Variants in CAMTA1 observed in about 807,000 individuals in gnomAD.
The protein encoded by CAMTA1 is calmodulin binding transcription activator 1.
In CAMTA1, 27 loss-of-function variants were observed where a neutral mutation model predicts 170.9. That is an observed-to-expected ratio of 0.16 (90% CI 0.12 to 0.22). The LOEUF is 0.22. Ranked by LOEUF, CAMTA1 falls within the 10% of genes least tolerant of loss-of-function variation. The pLI, the probability that CAMTA1 is intolerant of heterozygous loss-of-function variation, is 1.00. For missense variants in CAMTA1, 1,619 were observed against 2,217.2 expected, an observed-to-expected ratio of 0.73 and a Z score of 5.42; for synonymous variants, 833 against 891.5, an observed-to-expected ratio of 0.93 and a Z score of 1.17.
rs146851905 is a variant in CAMTA1, at chr1:7,551,690, G to A, written c.510+83789G>A. ...AGGGCCTGATCAGGCCTGGGTCCCC[G>A]TGGCCCTCAGAGCCTGTCCCTGGTG... On this transcript the variant is annotated intron_variant, in intron 6 of 22. Coordinates refer to ENST00000303635, the MANE Select transcript of CAMTA1 (RefSeq NM_015215.4). 3.5e-3 allele frequency among the ~76,000 whole-genome samples: 539 copies of A among 152,316 alleles called. 3 individuals are homozygous for A. The highest frequency in any genetic ancestry group is 0.012 in the African/African-American group (511 of 41,572).
At position 7,290,162 on chromosome 1, in the gene CAMTA1, A is replaced by G. The variant is rs112088803; in HGVS notation, c.438+40536A>G. On this transcript the variant is annotated intron_variant, in intron 5 of 22. Transcript: ENST00000303635. ...TACAATTGCCATGAAAATGTGCAGC[A>G]TTTCCATCAGAATGATTATCAAGTC... Among the ~76,000 whole-genome samples, 1,128 of 152,356 alleles carry G rather than the reference A, an allele frequency of 7.4e-3. 10 individuals are homozygous for G. The highest frequency in any genetic ancestry group is 0.025 in the African/African-American group (1,039 of 41,592).
intron 22 of CAMTA1, among the ~76,000 whole-genome samples, chr1:7,764,111 G>A (rs1347048827): frequency 1.3e-5 from 2 of 152,136 alleles, no homozygotes; most frequent in African/African-American, 4.8e-5. Context: ...TTTTTAAAAA[G>A]CCATTTATTT....
chr1:6,972,975 C>G (rs1692794987), intron 3 of CAMTA1, among the ~76,000 whole-genome samples: 2 of 152,108 alleles, frequency 1.3e-5, no homozygotes, highest in Admixed American at 6.6e-5. Flanking sequence ...CCTCAGCCTC[C>G]CAAGTAGCTG....
intron 4 of CAMTA1, among the ~76,000 whole-genome samples, chr1:7,214,321 T>C (rs541231016): frequency 1.2e-3 from 179 of 152,360 alleles, no homozygotes; most frequent in African/African-American, 4.1e-3. Context: ...TGAGATGGTA[T>C]CTCATTGTGG....
intron 3 of CAMTA1, among the ~76,000 whole-genome samples, chr1:7,043,446 G>A (rs1256068608): frequency 6.6e-6 from 1 of 152,232 alleles, no homozygotes; most frequent in Non-Finnish European, 1.5e-5. Context: ...GCTATTTGGT[G>A]TTAAAAGGAG....
rs2095694628 is a variant in CAMTA1 at position 7,634,395 on chromosome 1, CAGG to C, written c.511-6001_511-5999del. Among the ~76,000 whole-genome samples the C allele has an allele frequency of 6.6e-6, 1 of 151,986 alleles. No homozygotes were observed. Among genetic ancestry groups the C allele is most frequent in the African/African-American group, 2.4e-5 (1 of 41,380 alleles). On this transcript the variant is annotated intron_variant, in intron 6 of 22. Transcript: ENST00000303635. The surrounding 1 kb of genome is among the most constrained non-coding windows in gnomAD (Gnocchi z 6.2). ...GCCTGGAGGGGCCAAGGGTGCTGAG[CAGG>C]AGGTCGGGAGGCGAGGTCGGCCATG...
At chr1:7,058,513 T>G (rs897666965) in intron 3 of CAMTA1, among the ~76,000 whole-genome samples, 1 of 152,164 alleles carries the variant, frequency 6.6e-6, no homozygotes, top group African/African-American at 2.4e-5. Flanking sequence ...ATGTAGTTTC[T>G]TGGTGCAGAG....
chr1:7,518,308 C>T (rs1484183616), intron 6 of CAMTA1, among the ~76,000 whole-genome samples: 1 of 151,964 alleles, frequency 6.6e-6, no homozygotes, highest in African/African-American at 2.4e-5. Context: ...GGCTGAGCTG[C>T]CCTATGGCTT....
At chr1:6,851,578 C>T (rs1660365260) in intron 3 of CAMTA1, among the ~76,000 whole-genome samples, 1 of 152,158 alleles carries the variant, frequency 6.6e-6, no homozygotes, top group African/African-American at 2.4e-5. Flanking sequence ...ATAAGGAGAA[C>T]ATTTTAATAG....
In CAMTA1 at chr1:7,333,326, C is replaced by T. The variant is rs55750952; in HGVS notation, c.438+83700C>T. 2.6e-5 allele frequency among the ~76,000 whole-genome samples: 4 copies of T among 152,222 alleles called. No homozygotes were observed. The highest frequency in any genetic ancestry group is 4.4e-5 in the Non-Finnish European group (3 of 68,010). ...AGTTGAACCTAGTTGTCATTCCTGC[C>T]GGTGAGGGAGAGACCCGCAGGGGAG... is the stretch of plus-strand genomic sequence containing the variant. On this transcript the variant is annotated intron_variant, in intron 5 of 22. Transcript: ENST00000303635. This position sits in a 1 kb window ranked among gnomAD's most constrained non-coding sequence, Gnocchi z 4.4.
chr1:6,918,234 C>T lies in CAMTA1; in HGVS notation c.234+93024C>T, dbSNP rs184290638. Among the ~76,000 whole-genome samples the T allele has an allele frequency of 3.3e-5, 5 of 152,218 alleles. No homozygotes were observed. Among genetic ancestry groups the T allele is most frequent in the Non-Finnish European group, 5.9e-5 (4 of 68,012 alleles). On this transcript the variant is annotated intron_variant, in intron 3 of 22. Transcript: ENST00000303635. The surrounding 1 kb of genome is among the most constrained non-coding windows in gnomAD (Gnocchi z 4.0). ...GAGGAGGAGAAACCTTTCACCCAGC[C>T]CTAAACCAGCTGCTTCTGGAGAGTA...
chr1:7,166,093 G>A (rs1406690551), intron 4 of CAMTA1, among the ~76,000 whole-genome samples: 1 of 151,634 alleles, frequency 6.6e-6, no homozygotes, highest in Non-Finnish European at 1.5e-5. Context: ...TTGAGATGGG[G>A]TCTCGCTCTG....
intron 5 of CAMTA1, among the ~76,000 whole-genome samples, chr1:7,311,244 C>G (rs956648920): frequency 6.6e-6 from 1 of 152,182 alleles, no homozygotes; most frequent in African/African-American, 2.4e-5. Flanking sequence ...TCCAATAACA[C>G]AGATATTAGG....
At chr1:7,315,710 G>A (rs1486179050) in intron 5 of CAMTA1, among the ~76,000 whole-genome samples, 1 of 152,170 alleles carries the variant, frequency 6.6e-6, no homozygotes, top group African/African-American at 2.4e-5. Flanking sequence ...GCGTGGGCAG[G>A]GCAGGCTCCC....
chr1:7,623,638 A>G (rs1327867565), intron 6 of CAMTA1, among the ~76,000 whole-genome samples: 1 of 152,256 alleles, frequency 6.6e-6, no homozygotes, highest in Non-Finnish European at 1.5e-5. Context: ...AGCTGGGACT[A>G]CAGGCATGCG....
At chr1:7,109,688 C>G (rs1643895406) in intron 4 of CAMTA1, among the ~76,000 whole-genome samples, 1 of 152,200 alleles carries the variant, frequency 6.6e-6, no homozygotes, top group African/African-American at 2.4e-5. Flanking sequence ...TATGGCTCCA[C>G]AGACCACCGA....
At chr1:7,217,818 T>C (rs1357370702) in intron 4 of CAMTA1, among the ~76,000 whole-genome samples, 2 of 152,208 alleles carry the variant, frequency 1.3e-5, no homozygotes, top group Admixed American at 6.5e-5. Context: ...CTTTTTTTGT[T>C]TCCTATCATT....
chr1:7,132,001 C>T (rs890802653), intron 4 of CAMTA1, among the ~76,000 whole-genome samples: 4 of 151,728 alleles, frequency 2.6e-5, no homozygotes, highest in Non-Finnish European at 4.4e-5. Flanking sequence ...TGCAGTGAGC[C>T]GAGATCGAAC....
chr1:7,413,053 A>G (rs1258729973), intron 5 of CAMTA1, among the ~76,000 whole-genome samples: 1 of 150,436 alleles, frequency 6.6e-6, no homozygotes, highest in Non-Finnish European at 1.5e-5. Context: ...TTTGTCAAAG[A>G]TCAGATAGTT....
Sources: gnomAD v4.1 joint callset for allele counts (sites outside exome capture counted in the v4.1 genomes callset) on GRCh38, gnomAD v4.1.1 for gene constraint, Gnocchi (gnomAD v3.1) non-coding constraint, MANE v1.5 for transcripts, NCBI Gene and HGNC (gene_info 2026-07-23, HGNC 2026-07-21) for gene names.